The following PDSS2 variants were observed in gnomAD, a reference collection of about 807,000 sequenced individuals.
The protein encoded by PDSS2 is decaprenyl diphosphate synthase subunit 2.
A neutral mutation model predicts 44.5 loss-of-function variants in PDSS2; 31 were observed. The observed-to-expected ratio is 0.70, with a 90% CI of 0.52 to 0.94. PDSS2 has a LOEUF of 0.94. Ranked by LOEUF, PDSS2 falls within the 40% of genes least tolerant of loss-of-function variation. The pLI is 0.00. For synonymous variants in PDSS2, 157 were observed against 180.3 expected (o/e 0.87, Z 1.03); for missense variants, 452 against 482.2 (o/e 0.94, Z 0.59).
chr6:107,288,760 T>TG (rs1359853076), intron 2 of PDSS2, among the ~76,000 whole-genome samples: 3 of 143,004 alleles, frequency 2.1e-5, no homozygotes, highest in Admixed American at 6.9e-5. Flanking sequence ...ATTGTTTTTT[T>TG]TTTTTTTTTT....
At chr6:107,337,039 C>CCACACACACACACACA (rs71861456) in intron 1 of PDSS2, among the ~76,000 whole-genome samples, 1 of 141,498 alleles carries the variant, frequency 7.1e-6, no homozygotes, top group Non-Finnish European at 1.5e-5. Flanking sequence ...CTTTCACATA[C>CCACACACACACACACA]CACACACACA....
chr6:107,446,722 G>A (rs1365788270), intron 1 of PDSS2, among the ~76,000 whole-genome samples: 4 of 152,110 alleles, frequency 2.6e-5, no homozygotes, highest in Admixed American at 6.5e-5. Flanking sequence ...TAGGGGAAAT[G>A]CCAGATGTTT....
chr6:107,445,901 T>C (rs1426458182), intron 1 of PDSS2, among the ~76,000 whole-genome samples: 1 of 152,166 alleles, frequency 6.6e-6, no homozygotes, highest in African/African-American at 2.4e-5. Context: ...AACACACACA[T>C]CTGTCTCCCA....
chr6:107,271,164 T>C (rs562297022), intron 3 of PDSS2, among the ~76,000 whole-genome samples: 3 of 152,314 alleles, frequency 2.0e-5, no homozygotes, highest in South Asian at 4.1e-4. Context: ...TGGTCAATGA[T>C]AGATACCACT....
At chr6:107,382,892 C>T (rs945493920) in intron 1 of PDSS2, among the ~76,000 whole-genome samples, 6 of 151,964 alleles carry the variant, frequency 3.9e-5, no homozygotes, top group African/African-American at 7.3e-5. Context: ...TTGACAAAGA[C>T]GCAGAGTTCA....
At chr6:107,313,089 T>C (rs1777093316) in intron 2 of PDSS2, among the ~76,000 whole-genome samples, 1 of 152,182 alleles carries the variant, frequency 6.6e-6, no homozygotes, top group Non-Finnish European at 1.5e-5. Context: ...TAAGAAGAAA[T>C]CTAGGAGCTG....
intron 1 of PDSS2, among the ~76,000 whole-genome samples, chr6:107,359,007 C>T (rs77370532): frequency 1.7e-3 from 158 of 93,066 alleles, no homozygotes; most frequent in African/African-American, 5.2e-3. Context: ...CATTCTCGCT[C>T]TTTTTTTTTT....
At chr6:107,295,547 C>T (rs1311577020) in intron 2 of PDSS2, among the ~76,000 whole-genome samples, 1 of 152,090 alleles carries the variant, frequency 6.6e-6, no homozygotes, top group Non-Finnish European at 1.5e-5. Context: ...TGTAATACCT[C>T]CAACAACCTG....
intron 1 of PDSS2, among the ~76,000 whole-genome samples, chr6:107,450,515 C>T (rs1390601814): frequency 1.3e-5 from 2 of 152,072 alleles, no homozygotes; most frequent in Admixed American, 6.5e-5. Context: ...ATTCTCCACT[C>T]CAAAAACCAT....
chr6:107,282,447 C>T lies in PDSS2; in HGVS notation c.432-8220G>A, dbSNP rs188116092. Among the ~76,000 whole-genome samples the T allele has an allele frequency of 5.7e-3, 868 of 152,204 alleles. 13 individuals are homozygous for T. The highest frequency in any genetic ancestry group is 4.9e-3 in the Non-Finnish European group (336 of 68,028). Reference sequence around the variant, plus strand: ...TCACTCTGTAGCCCAGGCTGGAGTACAGTGGCGTGACCATGGCTCACTGTA... The same window carrying T: ...TCACTCTGTAGCCCAGGCTGGAGTATAGTGGCGTGACCATGGCTCACTGTA... On this transcript the variant is annotated intron_variant, in intron 2 of 7. Transcript: ENST00000369037.
chr6:107,175,271 C>T (rs548651691), intron 7 of PDSS2, among the ~76,000 whole-genome samples: 2 of 151,552 alleles, frequency 1.3e-5, no homozygotes, highest in South Asian at 4.2e-4. Context: ...ATACCTATAT[C>T]TATCTTCTAC....
chr6:107,184,127 C>G (rs12213684), intron 7 of PDSS2, among the ~76,000 whole-genome samples: 27,502 of 151,906 alleles, frequency 0.18, 3,187 homozygotes, highest in East Asian at 0.51. Flanking sequence ...ATGTAAAGTC[C>G]CAGGGTAGGA....
chr6:107,169,564 G>A (rs1461200761), intron 7 of PDSS2, among the ~76,000 whole-genome samples: 1 of 152,128 alleles, frequency 6.6e-6, no homozygotes, highest in South Asian at 2.1e-4. Flanking sequence ...CTGATTTTTA[G>A]AATTTTCAGC....
At chr6:107,408,910 T>G (rs189207590) in intron 1 of PDSS2, among the ~76,000 whole-genome samples, 17 of 152,286 alleles carry the variant, frequency 1.1e-4, no homozygotes, top group Non-Finnish European at 2.4e-4. Flanking sequence ...TTCCTAGTTA[T>G]TCATATCTCA....
intron 1 of PDSS2, among the ~76,000 whole-genome samples, chr6:107,416,607 T>G (rs1047085406): frequency 9.2e-5 from 14 of 152,216 alleles, no homozygotes; most frequent in African/African-American, 3.4e-4. Context: ...ACAAACATCT[T>G]AGGACTGTGC....
intron 2 of PDSS2, among the ~76,000 whole-genome samples, chr6:107,304,857 C>T (rs746818035): frequency 1.1e-4 from 17 of 151,862 alleles, no homozygotes; most frequent in South Asian, 2.1e-4. Context: ...ATCCATTATA[C>T]GACCACAGGC....
chr6:107,187,347 G>T (rs1189293273), intron 7 of PDSS2, among the ~76,000 whole-genome samples: 1 of 152,104 alleles, frequency 6.6e-6, no homozygotes, highest in Non-Finnish European at 1.5e-5. Context: ...AGGCAACTTT[G>T]GGATGGAATG....
intron 1 of PDSS2, among the ~76,000 whole-genome samples, chr6:107,390,648 T>C (rs1037721844): frequency 6.6e-6 from 1 of 152,116 alleles, no homozygotes; most frequent in African/African-American, 2.4e-5. Context: ...TTTTGACAAA[T>C]GTAACATGAT....
chr6:107,217,299 GA>G (rs1773444769), intron 4 of PDSS2, among the ~76,000 whole-genome samples: 3 of 152,176 alleles, frequency 2.0e-5, no homozygotes, highest in Non-Finnish European at 1.5e-5. Flanking sequence ...TCAGGATTTT[GA>G]AATGAGGGGA....
Sources: allele counts gnomAD v4.1 joint callset (sites outside exome capture counted in the v4.1 genomes callset), GRCh38; gene constraint gnomAD v4.1.1; transcripts MANE v1.5; gene names NCBI Gene and HGNC (gene_info 2026-07-23, HGNC 2026-07-21).